TAB2: variants seen among roughly 807,000 people sequenced by gnomAD.
The protein encoded by TAB2 is TGF-beta-activated kinase 1 and MAP3K7-binding protein 2.
In TAB2, 3 loss-of-function variants were observed where a neutral mutation model predicts 65.0. The ratio of observed to expected loss-of-function variants is 0.05; its 90% CI spans 0.02 to 0.12. The LOEUF (loss-of-function observed/expected upper bound fraction) is 0.12, where lower values mean the gene tolerates loss of function less well. Among genes scored for constraint, TAB2 ranks in the 10% least tolerant of loss-of-function variants. The pLI is 1.00. For synonymous variants in TAB2, 298 were observed against 285.1 expected, an observed-to-expected ratio of 1.05 and a Z score of -0.46; for missense variants, 623 against 840.3, an observed-to-expected ratio of 0.74 and a Z score of 3.20.
chr6:149,353,460 A>G (rs1780555830), intron 1 of TAB2, among the ~76,000 whole-genome samples: 1 of 152,174 alleles, frequency 6.6e-6, no homozygotes, highest in Non-Finnish European at 1.5e-5. Context: ...TTTCTTCCCC[A>G]AGTGATTTAG....
intron 3 of TAB2, 148 bp downstream of exon 3, chr6:149,379,666 T>C: frequency 1.8e-6 from 1 of 546,150 alleles, no homozygotes; most frequent in Admixed American, 3.7e-5. Context: ...GAGAGTATTA[T>C]ATGTATATAC....
At chr6:149,364,029 A>G (rs1038169213) in intron 1 of TAB2, among the ~76,000 whole-genome samples, 1 of 152,114 alleles carries the variant, frequency 6.6e-6, no homozygotes, top group Non-Finnish European at 1.5e-5. Context: ...CCAAATTTCT[A>G]TACATTTTTA....
chr6:149,305,106 A>G (rs1201985767), intron 1 of TAB2, among the ~76,000 whole-genome samples: 1 of 151,910 alleles, frequency 6.6e-6, no homozygotes, highest in Admixed American at 6.6e-5. Flanking sequence ...TTCCATCTAC[A>G]ATTGGTTGGA....
chr6:149,382,051 G>T (rs1005057113), intron 3 of TAB2, among the ~76,000 whole-genome samples: 3 of 152,148 alleles, frequency 2.0e-5, no homozygotes, highest in African/African-American at 7.2e-5. Context: ...CTCTGCACAT[G>T]ATCACTATCT....
In TAB2 at chr6:149,378,662, G is replaced by T. The variant is rs1781493533; in HGVS notation, c.747G>T (p.Gln249His). The change falls in exon 3 of 7, where the codon CAG becomes CAT. Residue 249 changes from glutamine to histidine, a missense_variant. This residue lies in a region of TAB2 where 550 missense variants were observed against 665.7 expected (regional missense o/e 0.83). Coordinates refer to ENST00000637181, the MANE Select transcript of TAB2 (RefSeq NM_001292034.3). ...CCATGAACCCTCAGCAAGTTTATCA[G>T]CCTTCACAGCCTGGTCCCTGGACTA... ...FNPMNPQQVY[Q>H]PSQPGPWTTC... The T allele has an allele frequency of 2.5e-6, 4 of 1,613,512 alleles. No homozygotes were observed. In the South Asian group the frequency reaches 3.3e-5, roughly 13 times the overall value.
intron 1 of TAB2, among the ~76,000 whole-genome samples, chr6:149,348,465 A>G (rs1780374592): frequency 1.3e-5 from 2 of 152,066 alleles, no homozygotes; most frequent in African/African-American, 4.8e-5. Flanking sequence ...CATCATATTG[A>G]CAACTAAATA....
chr6:149,272,784 C>T (rs727979), intron 1 of TAB2, among the ~76,000 whole-genome samples: 25,809 of 152,168 alleles, frequency 0.17, 2,305 homozygotes, highest in Admixed American at 0.24. Context: ...GATTTTTAGA[C>T]TTGACATCAG....
At chr6:149,385,264 T>C (rs1395785252) in intron 3 of TAB2, among the ~76,000 whole-genome samples, 1 of 152,258 alleles carries the variant, frequency 6.6e-6, no homozygotes, top group Non-Finnish European at 1.5e-5. Flanking sequence ...AAAGGAAATA[T>C]AATTTTATTT....
intron 1 of TAB2, among the ~76,000 whole-genome samples, chr6:149,274,277 G>C (rs1778414867): frequency 6.6e-6 from 1 of 152,218 alleles, no homozygotes; most frequent in Non-Finnish European, 1.5e-5. Flanking sequence ...TGTTGCTAAA[G>C]TATGTCATGT....
At chr6:149,360,493 A>G (rs1226370013) in intron 1 of TAB2, among the ~76,000 whole-genome samples, 2 of 152,190 alleles carry the variant, frequency 1.3e-5, no homozygotes, top group Non-Finnish European at 2.9e-5. Flanking sequence ...GTGCCAAGGC[A>G]GGGGGCACTA....
At chr6:149,250,926 C>T (rs1777845696) in intron 1 of TAB2, among the ~76,000 whole-genome samples, 1 of 152,132 alleles carries the variant, frequency 6.6e-6, no homozygotes, top group Non-Finnish European at 1.5e-5. Context: ...TTTAGTTCTG[C>T]CTCTCTTCAT....
intron 1 of TAB2, among the ~76,000 whole-genome samples, chr6:149,253,916 C>T (rs1167745993): frequency 5.3e-5 from 4 of 75,350 alleles, no homozygotes; most frequent in Non-Finnish European, 9.1e-5. Context: ...AGAGAGACTC[C>T]ATCTCGAAAG....
chr6:149,390,144 A>G (rs1279415883), intron 3 of TAB2, among the ~76,000 whole-genome samples: 1 of 152,340 alleles, frequency 6.6e-6, no homozygotes, highest in African/African-American at 2.4e-5. Flanking sequence ...AGTGATATAT[A>G]AAACAGATGT....
chr6:149,264,667 G>T (rs1436135832), intron 1 of TAB2, among the ~76,000 whole-genome samples: 2 of 152,176 alleles, frequency 1.3e-5, no homozygotes, highest in African/African-American at 4.8e-5. Flanking sequence ...TCCCAGTGCA[G>T]GAATGGCTGA....
Position 149,379,439 on chromosome 6 carries a change from C to T in TAB2, c.1524C>T (p.Asp508=). Residue 508 remains aspartate, a synonymous_variant, in exon 3 of 7, where the codon GAC becomes GAT. Coordinates refer to ENST00000637181, the MANE Select transcript of TAB2 (RefSeq NM_001292034.3). ...VETENIQHLT[D]PTLAHVDRIS... is the part of the protein sequence containing the mutation. ...CCGAGAATATTCAGCACCTCACGGACCCTACATTAGCACATGTGGATAGAA... is the reference window on the plus strand; with the variant it reads ...CCGAGAATATTCAGCACCTCACGGATCCTACATTAGCACATGTGGATAGAA... The T allele has an allele frequency of 6.2e-7, 1 of 1,614,026 alleles. No homozygotes were observed. The highest frequency in any genetic ancestry group is 8.5e-7 in the Non-Finnish European group (1 of 1,179,992).
In TAB2 at chr6:149,375,614, CAGAG is replaced by C. The variant is rs368343863; in HGVS notation, c.103-2401_103-2398del. Among the ~76,000 whole-genome samples the C allele has an allele frequency of 5.5e-4, 83 of 151,882 alleles. 1 individual carries two copies. The South Asian group carries it at 0.016, about 30-fold the overall frequency. On this transcript the variant is annotated intron_variant, in intron 2 of 6. Coordinates refer to ENST00000637181, the MANE Select transcript of TAB2 (RefSeq NM_001292034.3). ...GTAAATTTTAAATTGAGAATGATGA[CAGAG>C]AGGAGGTGAGAGGAAGATAAACTCT...
At chr6:149,329,675 G>A (rs1478616903) in intron 1 of TAB2, among the ~76,000 whole-genome samples, 3 of 143,632 alleles carry the variant, frequency 2.1e-5, no homozygotes, top group Admixed American at 1.4e-4. Flanking sequence ...TGGGGGGGGC[G>A]GGGTTGGGGG....
At chr6:149,253,204 T>C (rs6915888) in intron 1 of TAB2, 13,399 of 152,322 alleles carry the variant, frequency 0.088, 1,023 homozygotes, top group African/African-American at 0.2. Flanking sequence ...TCTAGGCCCA[T>C]TGGGGCCAAT....
chr6:149,331,225 T>C (rs1779773022), intron 1 of TAB2, among the ~76,000 whole-genome samples: 1 of 152,148 alleles, frequency 6.6e-6, no homozygotes, highest in Non-Finnish European at 1.5e-5. Flanking sequence ...TTTAATTCTT[T>C]TATTTCTTTT....
Sources: allele counts gnomAD v4.1 joint callset (sites outside exome capture counted in the v4.1 genomes callset), GRCh38; gene constraint gnomAD v4.1.1; regional missense constraint gnomAD v4.1.1; transcripts MANE v1.5; gene names NCBI Gene and HGNC (gene_info 2026-07-23, HGNC 2026-07-21).